The following KIF1B variants were observed in gnomAD, a reference collection of about 807,000 sequenced individuals.
KIF1B encodes kinesin family member 1B, also known as kinesin-like protein KIF1B.
Under a neutral mutation model 241.9 loss-of-function variants are expected in KIF1B, and 76 were observed. The ratio of observed to expected loss-of-function variants is 0.31; its 90% CI spans 0.26 to 0.38. The LOEUF (loss-of-function observed/expected upper bound fraction) is 0.38, where lower values mean the gene tolerates loss of function less well. Among genes scored for constraint, KIF1B ranks in the 10% least tolerant of loss-of-function variants. KIF1B has a pLI of 1.00. For missense variants in KIF1B, 1,622 were observed against 2,271.4 expected, an observed-to-expected ratio of 0.71 and a Z score of 5.81; for synonymous variants, 750 against 796.7, an observed-to-expected ratio of 0.94 and a Z score of 0.99.
chr1:10,245,167 T>C (rs781408513), intron 2 of KIF1B, among the ~76,000 whole-genome samples: 4 of 152,214 alleles, frequency 2.6e-5, no homozygotes, highest in Non-Finnish European at 5.9e-5. Flanking sequence ...TAAATACTAA[T>C]CTTGTTTTGA....
In KIF1B at chr1:10,374,612, G is replaced by A; in HGVS notation, c.5096+147G>A. 1 of 1,043,884 alleles carries A rather than the reference G, an allele frequency of 9.6e-7. No homozygotes were observed. 64.7% of individuals were successfully genotyped at this position (1,043,884 alleles called of 1,614,324 possible). A position where few individuals can be genotyped will look rare whatever the true frequency, so the allele number is the denominator to read the frequency against. On this transcript the variant is annotated intron_variant, in intron 46 of 48. Transcript: ENST00000676179. This position sits in a 1 kb window ranked among gnomAD's most constrained non-coding sequence, Gnocchi z 4.3. ...ATGCAAGTTGAGTCTGGGGTGAGAGGGCCAGCCTGGGTTTCTCCAGTTGGG... is the reference window on the plus strand; with the variant it reads ...ATGCAAGTTGAGTCTGGGGTGAGAGAGCCAGCCTGGGTTTCTCCAGTTGGG...
intron 2 of KIF1B, among the ~76,000 whole-genome samples, chr1:10,252,881 G>A (rs905151822): frequency 9.2e-5 from 14 of 151,832 alleles, no homozygotes; most frequent in South Asian, 6.2e-4. Context: ...GCCCCACCAC[G>A]CTGCACTGAT....
At chr1:10,245,402 G>A (rs140930894) in intron 2 of KIF1B, among the ~76,000 whole-genome samples, 139 of 152,242 alleles carry the variant, frequency 9.1e-4, no homozygotes, top group Non-Finnish European at 1.6e-3. Context: ...CATTTTGATA[G>A]CATTTACGTT....
In KIF1B at chr1:10,337,682, T is replaced by C. The variant is rs1446797234; in HGVS notation, c.3422+149T>C. On this transcript the variant is annotated intron_variant, in intron 31 of 48. Transcript: ENST00000676179. The surrounding 1 kb of genome is among the most constrained non-coding windows in gnomAD (Gnocchi z 4.0). ...TGAAGGAAAATACTTTCATCACTCC[T>C]ATGGGAGTGAGAACCAGAAACCTGT... 13 of 900,482 alleles carry C rather than the reference T, an allele frequency of 1.4e-5. No homozygotes were observed. The highest frequency in any genetic ancestry group is 3.2e-5 in the South Asian group (2 of 61,622). The allele number at this position is 900,482 out of a possible 1,614,324, so 55.8% of individuals were successfully genotyped here. A position where few individuals can be genotyped will look rare whatever the true frequency, so the allele number is the denominator to read the frequency against.
At chr1:10,307,003 T>C in intron 22 of KIF1B, 1 of 1,041,766 alleles carries the variant, frequency 9.6e-7, no homozygotes, top group Non-Finnish European at 1.2e-6. Flanking sequence ...TGGTAAGGAC[T>C]ATGTCCACAG....
intron 1 of KIF1B, among the ~76,000 whole-genome samples, chr1:10,230,115 C>T (rs1030266171): frequency 1.3e-5 from 2 of 152,058 alleles, no homozygotes; most frequent in Non-Finnish European, 2.9e-5. Context: ...TTCAAGGTTA[C>T]AGTGAGCTAT....
At chr1:10,216,383 C>CCGT (rs1339583493) in intron 1 of KIF1B, among the ~76,000 whole-genome samples, 1 of 152,214 alleles carries the variant, frequency 6.6e-6, no homozygotes, top group Non-Finnish European at 1.5e-5. Context: ...GTCTCCTAAA[C>CCGT]CGTCGGCCTC....
At chr1:10,319,379 G>A (rs973354904) in intron 22 of KIF1B, among the ~76,000 whole-genome samples, 1 of 152,168 alleles carries the variant, frequency 6.6e-6, no homozygotes, top group African/African-American at 2.4e-5. Flanking sequence ...GGGATTACAG[G>A]TGTGAGCCAC....
chr1:10,247,323 G>A (rs1454547767), intron 2 of KIF1B, among the ~76,000 whole-genome samples: 1 of 152,166 alleles, frequency 6.6e-6, no homozygotes, highest in African/African-American at 2.4e-5. Flanking sequence ...TCAGATTCCT[G>A]CTCAGATATC....
intron 1 of KIF1B, among the ~76,000 whole-genome samples, chr1:10,212,906 A>ATTGTGTG (rs1557638362): frequency 8.6e-6 from 1 of 116,310 alleles, no homozygotes; most frequent in African/African-American, 3.6e-5. Flanking sequence ...ATATATATAT[A>ATTGTGTG]TATATATATA....
Position 10,365,169 on chromosome 1 carries a change from C to T in KIF1B, c.4436C>T (p.Ala1479Val). Reference protein sequence around the residue: ...VAYVRGEENLAGWRPRGDSLI... With the variant: ...VAYVRGEENLVGWRPRGDSLI... The stretch of plus-strand genomic sequence containing the variant: ...TATGTGCGGGGAGAAGAGAACTTAG[C>T]AGGCTGGCGGCCCCGTGGAGACAGC... Residue 1479 changes from alanine to valine, a missense_variant, in exon 42 of 49, where the codon GCA (alanine) becomes GTA (valine). Ala to Val is a moderately conservative substitution (Grantham distance 64, BLOSUM62 0). Transcript: ENST00000676179. The surrounding 1 kb of genome is among the most constrained non-coding windows in gnomAD (Gnocchi z 4.0). The T allele has an allele frequency of 1.2e-6, 2 of 1,614,002 alleles. No individual in the cohort carries two copies. Among genetic ancestry groups the T allele is most frequent in the Non-Finnish European group, 1.7e-6 (2 of 1,179,994 alleles).
At chr1:10,287,652 C>T (rs972033431) in intron 15 of KIF1B, among the ~76,000 whole-genome samples, 3 of 152,144 alleles carry the variant, frequency 2.0e-5, no homozygotes. Context: ...GCAAAGAGAT[C>T]ATGTTCTGAT....
chr1:10,265,661 G>A (rs1277945132), intron 5 of KIF1B, among the ~76,000 whole-genome samples: 4 of 152,076 alleles, frequency 2.6e-5, no homozygotes, highest in Admixed American at 6.6e-5. Flanking sequence ...CCTGGGCAAC[G>A]TGGTGAGACC....
At chr1:10,339,615 AT>A (rs989390414) in intron 31 of KIF1B, among the ~76,000 whole-genome samples, 153 bp from the exon 32 acceptor site, 4 of 152,206 alleles carry the variant, frequency 2.6e-5, no homozygotes, top group African/African-American at 9.6e-5. Context: ...TCTGTGCAAT[AT>A]GGAAAAGGTT....
intron 22 of KIF1B, chr1:10,306,721 C>A (rs957377396): frequency 3.4e-6 from 3 of 885,714 alleles, no homozygotes; most frequent in African/African-American, 4.2e-5. Flanking sequence ...ATAGCCAGTG[C>A]ACTGCAGCCA....
chr1:10,231,373 G>A (rs1274823158), intron 1 of KIF1B, among the ~76,000 whole-genome samples: 3 of 139,852 alleles, frequency 2.1e-5, no homozygotes, highest in African/African-American at 8.0e-5. Context: ...GGAGAGTTCA[G>A]TGCCCTTTTT....
intron 7 of KIF1B, among the ~76,000 whole-genome samples, chr1:10,270,058 T>A (rs1648704605): frequency 6.6e-6 from 1 of 152,202 alleles, no homozygotes; most frequent in Non-Finnish European, 1.5e-5. Context: ...CCTGAAGCTT[T>A]ATTTTTTTAC....
At chr1:10,258,447 GAAATATTAAT>G in intron 3 of KIF1B, 36 bp from the exon 4 acceptor site, 1 of 1,578,388 alleles carries the variant, frequency 6.3e-7, no homozygotes, top group East Asian at 2.2e-5. Flanking sequence ...AGTATAGGAA[GAAATATTAAT>G]AAAAGGTTAT....
At chr1:10,335,641 GTT>G (rs1374535443) in intron 28 of KIF1B, among the ~76,000 whole-genome samples, 1 of 150,958 alleles carries the variant, frequency 6.6e-6, no homozygotes. Flanking sequence ...TTGTTTGTTT[GTT>G]TTTTTCTCAG....
Sources: allele counts gnomAD v4.1 joint callset (sites outside exome capture counted in the v4.1 genomes callset), GRCh38; gene constraint gnomAD v4.1.1; non-coding constraint Gnocchi (gnomAD v3.1); transcripts MANE v1.5; gene names NCBI Gene and HGNC (gene_info 2026-07-23, HGNC 2026-07-21).